The following CCDC3 variants were observed in gnomAD, a reference collection of about 807,000 sequenced individuals.
CCDC3 encodes coiled-coil domain-containing protein 3.
Under a neutral mutation model 21.4 loss-of-function variants are expected in CCDC3, and 24 were observed. The ratio of observed to expected loss-of-function variants is 1.12; its 90% CI spans 0.81 to 1.58. CCDC3 has a LOEUF of 1.58. CCDC3 is among the 40% of genes most tolerant of loss of function. The probability of loss-of-function intolerance (pLI) is 0.00; values close to 1 mark genes in which losing one functional copy is unlikely to be tolerated. For missense variants in CCDC3, 425 were observed against 360.9 expected, an observed-to-expected ratio of 1.18 and a Z score of -1.44; for synonymous variants, 186 against 166.0, an observed-to-expected ratio of 1.12 and a Z score of -0.93.
At chr10:13,043,278 T>C (rs1394026897) in intron 5 of CCDC3, among the ~76,000 whole-genome samples, 1 of 151,978 alleles carries the variant, frequency 6.6e-6, no homozygotes, top group Non-Finnish European at 1.5e-5. Flanking sequence ...CCATGAGACA[T>C]AAAGATGAAA....
intron 2 of CCDC3, among the ~76,000 whole-genome samples, chr10:12,940,990 C>A (rs1216720767): frequency 1.3e-5 from 2 of 152,114 alleles, no homozygotes; most frequent in Non-Finnish European, 2.9e-5. Flanking sequence ...ACCAGAGCGA[C>A]TCCATTTTGT....
At chr10:12,906,353 T>C (rs1021310052) in intron 2 of CCDC3, among the ~76,000 whole-genome samples, 6 of 152,124 alleles carry the variant, frequency 3.9e-5, no homozygotes, top group African/African-American at 1.4e-4. Flanking sequence ...GCCCAGGCTG[T>C]GGCGGGAGGG....
At chr10:13,071,759 C>T (rs1258059054) in intron 4 of CCDC3, among the ~76,000 whole-genome samples, 1 of 152,192 alleles carries the variant, frequency 6.6e-6, no homozygotes, top group African/African-American at 2.4e-5. Context: ...GATGCCTGCT[C>T]CCTTCTTTCT....
chr10:13,045,085 A>T (rs896860660), intron 5 of CCDC3, among the ~76,000 whole-genome samples: 1 of 151,970 alleles, frequency 6.6e-6, no homozygotes, highest in Non-Finnish European at 1.5e-5. Flanking sequence ...ACAGGCAAAA[A>T]ATTACTCCAT....
At chr10:12,954,656 G>C (rs1234120018) in intron 2 of CCDC3, among the ~76,000 whole-genome samples, 1 of 152,156 alleles carries the variant, frequency 6.6e-6, no homozygotes, top group African/African-American at 2.4e-5. Flanking sequence ...AACTTACAGA[G>C]TGAAAACTCA....
At chr10:12,964,475 G>A (rs1835229503) in intron 2 of CCDC3, among the ~76,000 whole-genome samples, 1 of 152,126 alleles carries the variant, frequency 6.6e-6, no homozygotes, top group Admixed American at 6.5e-5. Flanking sequence ...TGTAGTTTAT[G>A]CCTGGAAGTG....
At chr10:12,926,028 G>T (rs1834531433) in intron 2 of CCDC3, among the ~76,000 whole-genome samples, 1 of 152,238 alleles carries the variant, frequency 6.6e-6, no homozygotes. Flanking sequence ...GCAGAGGCTG[G>T]GTAGGAGCAG....
intron 4 of CCDC3, among the ~76,000 whole-genome samples, chr10:13,062,594 T>C (rs1836770704): frequency 6.6e-6 from 1 of 152,204 alleles, no homozygotes; most frequent in African/African-American, 2.4e-5. Flanking sequence ...TGTCTTGTTC[T>C]AACCTCCAAG....
At chr10:13,060,114 C>G (rs1836736644) in intron 4 of CCDC3, among the ~76,000 whole-genome samples, 2 of 151,968 alleles carry the variant, frequency 1.3e-5, no homozygotes. Flanking sequence ...TGTTTTTCTA[C>G]ATAATGGCTC....
chr10:13,043,193 T>C (rs1286120034), intron 5 of CCDC3, among the ~76,000 whole-genome samples: 1 of 152,158 alleles, frequency 6.6e-6, no homozygotes, highest in African/African-American at 2.4e-5. Context: ...CAGTACTCAA[T>C]AGTTTTTCAA....
intron 4 of CCDC3, among the ~76,000 whole-genome samples, chr10:13,062,633 T>C (rs1052859000): frequency 2.0e-4 from 30 of 152,208 alleles, no homozygotes; most frequent in African/African-American, 6.5e-4. Context: ...GGGGGTAGGC[T>C]GAACTAACTT....
At chr10:13,092,946 C>T (rs557156484) in intron 3 of CCDC3, among the ~76,000 whole-genome samples, 5 of 151,084 alleles carry the variant, frequency 3.3e-5, no homozygotes, top group Admixed American at 6.6e-5. Flanking sequence ...GTTGACTTTT[C>T]GTGGGTATAA....
chr10:12,962,586 A>T (rs1169403976), intron 2 of CCDC3, among the ~76,000 whole-genome samples: 1 of 152,208 alleles, frequency 6.6e-6, no homozygotes, highest in African/African-American at 2.4e-5. Flanking sequence ...CTGGTGACAG[A>T]GCAAGACTCT....
intron 2 of CCDC3, among the ~76,000 whole-genome samples, chr10:12,934,165 C>A (rs76881985): frequency 1.3e-5 from 2 of 152,090 alleles, no homozygotes; most frequent in Non-Finnish European, 2.9e-5. Flanking sequence ...GAAAATATTT[C>A]GAAATTTTTC....
chr10:13,071,310 C>T (rs559113687), intron 4 of CCDC3, among the ~76,000 whole-genome samples: 111 of 152,206 alleles, frequency 7.3e-4, no homozygotes, highest in Non-Finnish European at 7.4e-4. Flanking sequence ...CCCCTCAAGA[C>T]GTATTTTTGT....
intron 2 of CCDC3, among the ~76,000 whole-genome samples, chr10:12,937,448 A>G (rs957005700): frequency 1.3e-5 from 2 of 152,114 alleles, no homozygotes; most frequent in African/African-American, 4.8e-5. Context: ...GTCACGTTCT[A>G]TCTCAATGTA....
At chr10:12,934,454 A>G (rs1834702564) in intron 2 of CCDC3, among the ~76,000 whole-genome samples, 1 of 152,190 alleles carries the variant, frequency 6.6e-6, no homozygotes, top group African/African-American at 2.4e-5. Flanking sequence ...GTAAGTGGCA[A>G]TTACATCCAG....
At chr10:13,033,088 C>T (rs1836326703) in intron 5 of CCDC3, among the ~76,000 whole-genome samples, 1 of 152,212 alleles carries the variant, frequency 6.6e-6, no homozygotes, top group African/African-American at 2.4e-5. Flanking sequence ...TGACTTCAAA[C>T]TATACTACAA....
chr10:13,063,607 T>A (rs1588411924), intron 4 of CCDC3, among the ~76,000 whole-genome samples: 1 of 152,252 alleles, frequency 6.6e-6, no homozygotes, highest in East Asian at 1.9e-4. Flanking sequence ...ACGTAAATAG[T>A]AAGGAATGGA....
Sources: gnomAD v4.1 joint callset for allele counts (sites outside exome capture counted in the v4.1 genomes callset) on GRCh38, gnomAD v4.1.1 for gene constraint, MANE v1.5 for transcripts, NCBI Gene and HGNC (gene_info 2026-07-23, HGNC 2026-07-21) for gene names.